DTNA: variants seen among roughly 807,000 people sequenced by gnomAD.
The protein encoded by DTNA is dystrophin-related protein 3.
A neutral mutation model predicts 100.7 loss-of-function variants in DTNA; 43 were observed. The observed-to-expected ratio is 0.43, with a 90% CI of 0.33 to 0.55. The LOEUF is 0.55. Ranked by LOEUF, DTNA falls within the 20% of genes least tolerant of loss-of-function variation. The probability of loss-of-function intolerance (pLI) is 0.04; values close to 1 mark genes in which losing one functional copy is unlikely to be tolerated. For missense variants in DTNA, 798 were observed against 953.9 expected, an observed-to-expected ratio of 0.84 and a Z score of 2.15; for synonymous variants, 349 against 347.9, an observed-to-expected ratio of 1.00 and a Z score of -0.04.
At chr18:34,858,492 T>C in intron 16 of DTNA, 94 bp downstream of exon 16, 1 of 1,238,168 alleles carries the variant, frequency 8.1e-7, no homozygotes. Flanking sequence ...AGTCCTCAGC[T>C]ACCTTAGCTG....
At chr18:34,534,527 C>G (rs2043481685) in intron 1 of DTNA, among the ~76,000 whole-genome samples, 1 of 151,876 alleles carries the variant, frequency 6.6e-6, no homozygotes. Context: ...ACAGAACATG[C>G]AGGTTTGTTA....
chr18:34,744,889 T>C (rs1016652471), intron 1 of DTNA, among the ~76,000 whole-genome samples: 1 of 152,128 alleles, frequency 6.6e-6, no homozygotes, highest in Admixed American at 6.6e-5. Context: ...GCATTTTGGT[T>C]CTCATTAAGA....
intron 2 of DTNA, among the ~76,000 whole-genome samples, chr18:34,763,586 G>A (rs555805545): frequency 9.9e-5 from 15 of 152,114 alleles, no homozygotes; most frequent in South Asian, 2.1e-4. Flanking sequence ...ATAATGAGCC[G>A]TCTATTTTTA....
intron 3 of DTNA, among the ~76,000 whole-genome samples, chr18:34,772,537 G>T (rs1019252076): frequency 1.3e-5 from 2 of 150,796 alleles, no homozygotes; most frequent in Non-Finnish European, 2.9e-5. Context: ...CACCAGTCAG[G>T]TGACTAGAAG....
At chr18:34,800,967 G>A (rs1367950796) in intron 4 of DTNA, among the ~76,000 whole-genome samples, 1 of 152,006 alleles carries the variant, frequency 6.6e-6, no homozygotes, top group Non-Finnish European at 1.5e-5. Flanking sequence ...GGAAACCCAG[G>A]GCAGACTAAA....
Position 34,813,897 on chromosome 18 carries a change from T to C in DTNA, c.603+1784T>C, listed in dbSNP as rs375943023. 2.6e-5 allele frequency among the ~76,000 whole-genome samples: 4 copies of C among 151,952 alleles called. No homozygotes were observed. The East Asian group carries it at 7.7e-4, about 29-fold the overall frequency. The stretch of plus-strand genomic sequence containing the variant: ...TTCAAAACACAAATCTATTTTTTCA[T>C]TCAATTTTACTGCTTTCCAACTTTT... On this transcript the variant is annotated intron_variant, in intron 6 of 22. Coordinates refer to ENST00000444659, the MANE Select transcript of DTNA (RefSeq NM_001386795.1).
At chr18:34,877,332 G>A (rs1191288015) in intron 18 of DTNA, among the ~76,000 whole-genome samples, 2 of 152,134 alleles carry the variant, frequency 1.3e-5, no homozygotes, top group African/African-American at 2.4e-5. Flanking sequence ...CAGCTCTCCT[G>A]GAAAACCTGA....
intron 1 of DTNA, among the ~76,000 whole-genome samples, chr18:34,496,263 C>G (rs1409410689): frequency 6.9e-6 from 1 of 144,150 alleles, no homozygotes. Context: ...ATGGCTACAT[C>G]TTTATTTTGG....
intron 1 of DTNA, among the ~76,000 whole-genome samples, chr18:34,544,165 C>T (rs1460773320): frequency 6.6e-6 from 1 of 152,042 alleles, no homozygotes; most frequent in African/African-American, 2.4e-5. Flanking sequence ...TCTGTGGCAT[C>T]ATTAATAAGT....
chr18:34,559,569 A>T (rs1245139534), intron 1 of DTNA, among the ~76,000 whole-genome samples: 1 of 152,240 alleles, frequency 6.6e-6, no homozygotes, highest in African/African-American at 2.4e-5. Context: ...AAAGGAAATA[A>T]GTGCCTGGTT....
chr18:34,559,395 C>T (rs961546996), intron 1 of DTNA, among the ~76,000 whole-genome samples: 9 of 152,062 alleles, frequency 5.9e-5, no homozygotes, highest in African/African-American at 2.2e-4. Flanking sequence ...ACTGAATGGG[C>T]GTTTAAATGT....
intron 10 of DTNA, among the ~76,000 whole-genome samples, chr18:34,828,254 A>G (rs1261646690): frequency 1.3e-5 from 2 of 152,238 alleles, no homozygotes; most frequent in Non-Finnish European, 2.9e-5. Flanking sequence ...TGAGCAAGAA[A>G]CAGGAGAAGC....
At position 34,578,189 on chromosome 18, in the gene DTNA, G is replaced by A. The variant is rs189714560; in HGVS notation, c.-2+84675G>A. On this transcript the variant is annotated intron_variant, in intron 1 of 19. Transcript: ENST00000283365. The stretch of plus-strand genomic sequence containing the variant: ...ATTCTTGCAGGAGTAAGGTGGTATC[G>A]CATTTTGGTTTTGATTTGCATTTCC... Among the ~76,000 whole-genome samples the A allele has an allele frequency of 2.2e-3, 329 of 151,614 alleles. 1 individual carries two copies. Among genetic ancestry groups the A allele is most frequent in the African/African-American group, 7.0e-3 (289 of 41,332 alleles).
At position 34,674,711 on chromosome 18, in the gene DTNA, C is replaced by A. The variant is rs114659189; in HGVS notation, c.-1-81265C>A. 6.4e-3 allele frequency among the ~76,000 whole-genome samples: 969 copies of A among 152,322 alleles called. 9 individuals are homozygous for A. Among genetic ancestry groups the A allele is most frequent in the African/African-American group, 0.022 (925 of 41,568 alleles). The stretch of plus-strand genomic sequence containing the variant: ...TTGTGTTTGCTAACTGTTCCACTAT[C>A]AATCATTTATTCAAACAAGCATTTA... On this transcript the variant is annotated intron_variant, in intron 1 of 19. Coordinates refer to the DTNA transcript ENST00000283365.
At chr18:34,838,940 G>T in intron 13 of DTNA, 103 bp downstream of exon 13, 1 of 925,446 alleles carries the variant, frequency 1.1e-6, no homozygotes. Context: ...TGCCAGTGGT[G>T]ACACTGAAGC....
intron 11 of DTNA, among the ~76,000 whole-genome samples, chr18:34,837,385 T>C (rs1005484588): frequency 6.6e-6 from 1 of 152,214 alleles, no homozygotes; most frequent in Non-Finnish European, 1.5e-5. Flanking sequence ...ATTTGTACTT[T>C]AATAAAACTA....
chr18:34,554,667 T>A (rs2045834851), intron 1 of DTNA, among the ~76,000 whole-genome samples: 2 of 149,666 alleles, frequency 1.3e-5, no homozygotes, highest in Non-Finnish European at 3.0e-5. Context: ...GTTTATATGC[T>A]GGATTACATT....
At chr18:34,801,346 G>C (rs996808610) in intron 4 of DTNA, among the ~76,000 whole-genome samples, 9 of 152,072 alleles carry the variant, frequency 5.9e-5, no homozygotes, top group African/African-American at 2.2e-4. Flanking sequence ...GTTTGTATAG[G>C]CAAAAGTTCC....
intron 1 of DTNA, among the ~76,000 whole-genome samples, chr18:34,553,468 G>C (rs2045678842): frequency 6.6e-6 from 1 of 151,574 alleles, no homozygotes; most frequent in Non-Finnish European, 1.5e-5. Context: ...CCTATGTCCT[G>C]AATGGTAATG....
Sources: gnomAD v4.1 joint callset for allele counts (sites outside exome capture counted in the v4.1 genomes callset) on GRCh38, gnomAD v4.1.1 for gene constraint, MANE v1.5 for transcripts, NCBI Gene and HGNC (gene_info 2026-07-23, HGNC 2026-07-21) for gene names.